Variants in BTC observed in about 807,000 individuals in gnomAD.
The protein encoded by BTC is betacellulin.
A neutral mutation model predicts 18.1 loss-of-function variants in BTC; 13 were observed. That is an observed-to-expected ratio of 0.72 (90% confidence interval 0.47 to 1.14). The LOEUF is 1.14. BTC is among the 50% of genes most tolerant of loss of function. The pLI is 0.00. For synonymous variants in BTC, 83 were observed against 79.4 expected (o/e 1.05, Z -0.24); for missense variants, 247 against 224.2 (o/e 1.10, Z -0.65).
intron 1 of BTC, among the ~76,000 whole-genome samples, chr4:74,779,428 G>A (rs1725261763): frequency 6.6e-6 from 1 of 152,102 alleles, no homozygotes; most frequent in Non-Finnish European, 1.5e-5. Flanking sequence ...TCTGAAGCTA[G>A]TTTCTCAGAA....
rs1181043597 is a variant in BTC at position 74,745,453 on chromosome 4, T to C, written c.*1224A>G. ...GGCATCTTCCATCGATTTTTGTAAG[T>C]GAACCACGTAATCAATGTAAAAAGT... On this transcript the variant is annotated 3_prime_UTR_variant, in exon 6 of 6. Coordinates refer to ENST00000395743, the MANE Select transcript of BTC (RefSeq NM_001729.4). 6.6e-6 allele frequency: 1 copy of C among 152,246 alleles called. No homozygotes were observed. The highest frequency in any genetic ancestry group is 1.9e-4 in the East Asian group (1 of 5,204). 9.4% of individuals were successfully genotyped at this position (152,246 alleles called of 1,614,324 possible). A position where few individuals can be genotyped will look rare whatever the true frequency, so the allele number is the denominator to read the frequency against.
At chr4:74,786,689 T>A (rs1263633042) in intron 1 of BTC, among the ~76,000 whole-genome samples, 1 of 152,028 alleles carries the variant, frequency 6.6e-6, no homozygotes, top group Non-Finnish European at 1.5e-5. Context: ...CACTGGAGAG[T>A]GTCCTGAGTC....
chr4:74,761,015 T>C (rs1560713627), intron 2 of BTC, among the ~76,000 whole-genome samples: 1 of 152,110 alleles, frequency 6.6e-6, no homozygotes, highest in Non-Finnish European at 1.5e-5. Flanking sequence ...ATTACAGGCG[T>C]GAGCCAATGC....
chr4:74,779,229 C>T (rs143887855), intron 1 of BTC, among the ~76,000 whole-genome samples: 112 of 152,236 alleles, frequency 7.4e-4, no homozygotes, highest in African/African-American at 2.5e-3. Flanking sequence ...TACTTCACAA[C>T]CTTATATTTT....
At chr4:74,793,963 G>C (rs1448375817) in intron 1 of BTC, among the ~76,000 whole-genome samples, 2 of 151,368 alleles carry the variant, frequency 1.3e-5, no homozygotes, top group Non-Finnish European at 2.9e-5. Flanking sequence ...CCTCTGCTGT[G>C]CGCACAAGTC....
Position 74,794,257 on chromosome 4 carries a change from C to G in BTC, c.64+5G>C, listed in dbSNP as rs776376746. On this transcript the variant is annotated splice_donor_5th_base_variant and intron_variant, in intron 1 of 5. Transcript: ENST00000395743. Reference sequence around the variant, plus strand: ...TGGTTTCCAGTGCCCAGCACGGCCACTTACCCAGGGCAAGGGCCAGGAGCA... The same window carrying G: ...TGGTTTCCAGTGCCCAGCACGGCCAGTTACCCAGGGCAAGGGCCAGGAGCA... 221 of 1,550,190 alleles carry G rather than the reference C, an allele frequency of 1.4e-4. No homozygotes were observed. The highest frequency in any genetic ancestry group is 2.9e-4 in the Admixed American group (15 of 50,980).
intron 1 of BTC, among the ~76,000 whole-genome samples, chr4:74,778,308 C>T (rs1358712707): frequency 6.6e-6 from 1 of 152,022 alleles, no homozygotes; most frequent in Non-Finnish European, 1.5e-5. Flanking sequence ...TTATTTAACT[C>T]AAAAGAAACA....
At chr4:74,760,362 T>C (rs1379281784) in intron 2 of BTC, among the ~76,000 whole-genome samples, 1 of 152,224 alleles carries the variant, frequency 6.6e-6, no homozygotes. Flanking sequence ...ATATAGGAAG[T>C]AGAGCCTAGG....
chr4:74,768,482 C>T lies in BTC; in HGVS notation c.163+1576G>A, dbSNP rs79998403. Among the ~76,000 whole-genome samples, 894 of 152,124 alleles carry T rather than the reference C, an allele frequency of 5.9e-3. 4 individuals carry two copies. Among genetic ancestry groups the T allele is most frequent in the Middle Eastern group, 0.024 (7 of 292 alleles). ...ATGGATGAACCTGAAAGCAATTTTG[C>T]TAAGTGAAATAAGACAGTCACAGAA... is the stretch of plus-strand genomic sequence containing the variant. On this transcript the variant is annotated intron_variant, in intron 2 of 5. Transcript: ENST00000395743.
intron 2 of BTC, among the ~76,000 whole-genome samples, chr4:74,764,532 G>A (rs528779198): frequency 3.3e-5 from 5 of 152,152 alleles, no homozygotes; most frequent in African/African-American, 1.2e-4. Context: ...GTGTTAGAGA[G>A]ACATAAAAAA....
At chr4:74,788,328 T>G (rs1725536955) in intron 1 of BTC, among the ~76,000 whole-genome samples, 1 of 152,194 alleles carries the variant, frequency 6.6e-6, no homozygotes, top group Non-Finnish European at 1.5e-5. Context: ...CTTCTCCCAT[T>G]TTTTCCTTCA....
At chr4:74,793,874 G>T (rs1035219781) in intron 1 of BTC, among the ~76,000 whole-genome samples, 1 of 151,932 alleles carries the variant, frequency 6.6e-6, no homozygotes, top group Admixed American at 6.6e-5. Flanking sequence ...TTCCCTGCTC[G>T]CCCCTGCCCC....
rs371421429 is a variant in BTC at position 74,780,261 on chromosome 4, A to G, written c.65-10105T>C. 4.6e-5 allele frequency among the ~76,000 whole-genome samples: 7 copies of G among 152,342 alleles called. No homozygotes were observed. The South Asian group carries it at 8.3e-4, about 18-fold the overall frequency. ...CAATGACTGCCCACCACATCCTGAA[A>G]GACAGATTCCCAATTAAGAATCTGA... On this transcript the variant is annotated intron_variant, in intron 1 of 5. Coordinates refer to ENST00000395743, the MANE Select transcript of BTC (RefSeq NM_001729.4).
intron 2 of BTC, among the ~76,000 whole-genome samples, chr4:74,768,509 G>C (rs932037308): frequency 1.3e-5 from 2 of 152,080 alleles, no homozygotes; most frequent in Non-Finnish European, 1.5e-5. Context: ...GTCACAGAAA[G>C]ACAAATATAA....
chr4:74,746,920 G>T (rs1724307585), intron 5 of BTC, among the ~76,000 whole-genome samples: 1 of 152,202 alleles, frequency 6.6e-6, no homozygotes, highest in African/African-American at 2.4e-5. Context: ...CATACTGGAT[G>T]TAAACGAGGA....
intron 1 of BTC, among the ~76,000 whole-genome samples, chr4:74,788,189 T>G (rs772727094): frequency 6.6e-6 from 1 of 152,244 alleles, no homozygotes; most frequent in Non-Finnish European, 1.5e-5. Context: ...GCCCTCATTT[T>G]GGAAATCATG....
intron 1 of BTC, among the ~76,000 whole-genome samples, chr4:74,788,781 T>C (rs772635967): frequency 3.3e-5 from 5 of 152,224 alleles, no homozygotes; most frequent in Non-Finnish European, 7.3e-5. Flanking sequence ...AGCAACCAAC[T>C]TTCATGAACA....
intron 5 of BTC, 38 bp downstream of exon 5, chr4:74,748,002 C>G (rs782542693): frequency 8.3e-7 from 1 of 1,203,380 alleles, no homozygotes; most frequent in Non-Finnish European, 1.2e-6. Flanking sequence ...TTAAATGTCA[C>G]CTGAATAGTT....
At chr4:74,773,648 G>A (rs1725105688) in intron 1 of BTC, among the ~76,000 whole-genome samples, 1 of 149,776 alleles carries the variant, frequency 6.7e-6, no homozygotes, top group African/African-American at 2.5e-5. Context: ...GTCTCACTCT[G>A]TTGCCCAGGA....
Sources: allele counts gnomAD v4.1 joint callset (sites outside exome capture counted in the v4.1 genomes callset), GRCh38; gene constraint gnomAD v4.1.1; transcripts MANE v1.5; gene names NCBI Gene and HGNC (gene_info 2026-07-23, HGNC 2026-07-21).